The following SPOCK2 variants were observed in gnomAD, a reference collection of about 807,000 sequenced individuals.
SPOCK2 encodes the protein testican-2.
SPOCK2 carries 39 observed loss-of-function variants against 60.1 expected under a neutral mutation model. That is an observed-to-expected ratio of 0.65 (90% confidence interval 0.50 to 0.85). The LOEUF is 0.85. SPOCK2 is among the 40% of genes least tolerant of loss of function. SPOCK2 has a pLI of 0.00. For missense variants in SPOCK2, 523 were observed against 567.4 expected (o/e 0.92, Z 0.80); for synonymous variants, 217 against 231.5 (o/e 0.94, Z 0.57).
rs1840469723 is a variant in SPOCK2, at chr10:72,059,917, AAGGGGAGTTCC to A, written c.*2832_*2842del. 6.5e-6 allele frequency: 1 copy of A among 152,756 alleles called. No individual in the cohort carries two copies. 9.5% of individuals were successfully genotyped at this position (152,756 alleles called of 1,614,324 possible). On this transcript the variant is annotated 3_prime_UTR_variant, in exon 11 of 11. Transcript: ENST00000373109. ...TGGGCCAAGGAGGCCTGGGGCAGCCAAGGGGAGTTCCAGGACCAAGCAAGCAAGAAACCGTT... is the reference window on the plus strand; with the variant it reads ...TGGGCCAAGGAGGCCTGGGGCAGCCAAGGACCAAGCAAGCAAGAAACCGTT...
chr10:72,067,570 C>A, intron 7 of SPOCK2, 43 bp downstream of exon 7: 1 of 1,608,170 alleles, frequency 6.2e-7, no homozygotes, highest in Non-Finnish European at 8.5e-7. Context: ...CAGCCCCTTC[C>A]CTATTTCCCT....
At position 72,072,898 on chromosome 10, in the gene SPOCK2, T is replaced by G; in HGVS notation, c.198+4A>C. ...CACAGAGTGGGGTCCTGGGCAGTACTCACCTCCACTTCCTGGAGATCAGGG... is the reference window on the plus strand; with the variant it reads ...CACAGAGTGGGGTCCTGGGCAGTACGCACCTCCACTTCCTGGAGATCAGGG... On this transcript the variant is annotated splice_donor_region_variant and intron_variant, in intron 2 of 10. Coordinates refer to ENST00000373109, the MANE Select transcript of SPOCK2 (RefSeq NM_001244950.2). 1 of 1,554,640 alleles carries G rather than the reference T, an allele frequency of 6.4e-7. No individual in the cohort carries two copies. The highest frequency in any genetic ancestry group is 8.7e-7 in the Non-Finnish European group (1 of 1,148,678).
intron 5 of SPOCK2, 161 bp downstream of exon 5, chr10:72,070,151 T>A: frequency 1.6e-6 from 1 of 621,136 alleles, no homozygotes; most frequent in South Asian, 2.0e-5. Flanking sequence ...GGGCTGCAGG[T>A]GGCCCCAGTA....
intron 1 of SPOCK2, among the ~76,000 whole-genome samples, chr10:72,078,372 G>A (rs1360870641): frequency 1.3e-5 from 2 of 151,912 alleles, no homozygotes; most frequent in African/African-American, 4.8e-5. Context: ...ATAGCCGTGT[G>A]TGATGGCGGG....
intron 1 of SPOCK2, among the ~76,000 whole-genome samples, chr10:72,073,296 C>T (rs956591257): frequency 2.0e-5 from 3 of 152,202 alleles, no homozygotes; most frequent in South Asian, 2.1e-4. Flanking sequence ...GCCTGAGAAA[C>T]GGTGCACTGT....
chr10:72,074,463 G>C (rs1840689155), intron 1 of SPOCK2, among the ~76,000 whole-genome samples: 1 of 152,244 alleles, frequency 6.6e-6, no homozygotes, highest in Non-Finnish European at 1.5e-5. Context: ...TGTGTGTGCA[G>C]GCATGTTTGT....
intron 1 of SPOCK2, among the ~76,000 whole-genome samples, chr10:72,075,864 G>A (rs910451675): frequency 3.3e-5 from 5 of 152,150 alleles, no homozygotes; most frequent in African/African-American, 1.2e-4. Flanking sequence ...AGGGCCCTGG[G>A]GTCCTGCAGA....
chr10:72,081,750 C>T (rs933333687), intron 1 of SPOCK2, among the ~76,000 whole-genome samples: 1 of 152,216 alleles, frequency 6.6e-6, no homozygotes, highest in Non-Finnish European at 1.5e-5. Flanking sequence ...GGGCTTGTTG[C>T]TGTGTTTGTC....
Position 72,061,153 on chromosome 10 carries a change from A to G in SPOCK2, c.*1607T>C, listed in dbSNP as rs737080. 0.13 allele frequency: 19,846 copies of G among 152,716 alleles called. 3,623 individuals are homozygous for G. The highest frequency in any genetic ancestry group is 0.4 in the African/African-American group (16,670 of 41,492). The allele number at this position is 152,716 out of a possible 1,614,324, so 9.5% of individuals were successfully genotyped here. A position where few individuals can be genotyped will look rare whatever the true frequency, so the allele number is the denominator to read the frequency against. ...AGGTGTTAAGGAATTTGCTTTGCTG[A>G]GGAGAACTGGATGGGTGGGGGAAAA... On this transcript the variant is annotated 3_prime_UTR_variant, in exon 11 of 11. Coordinates refer to ENST00000373109, the MANE Select transcript of SPOCK2 (RefSeq NM_001244950.2).
intron 1 of SPOCK2, 115 bp downstream of exon 1, chr10:72,088,025 G>C: frequency 7.6e-7 from 1 of 1,315,066 alleles, no homozygotes; most frequent in Non-Finnish European, 1.1e-6. Context: ...GTAATTAGCC[G>C]GCCAGGCTGC....
At chr10:72,068,511 C>A (rs1411901895) in intron 5 of SPOCK2, among the ~76,000 whole-genome samples, 1 of 152,136 alleles carries the variant, frequency 6.6e-6, no homozygotes, top group African/African-American at 2.4e-5. Context: ...CAGAGCTGGT[C>A]CTAGCCATGC....
At chr10:72,070,065 C>T (rs957272939) in intron 5 of SPOCK2, 15 of 445,632 alleles carry the variant, frequency 3.4e-5, no homozygotes, top group Non-Finnish European at 5.7e-5. Flanking sequence ...CTCTTCCAGG[C>T]CCCACTCCCC....
Position 72,088,160 on chromosome 10 carries a change from G to A in SPOCK2, c.169C>T (p.His57Tyr). 4 of 1,613,002 alleles carry A rather than the reference G, an allele frequency of 2.5e-6. No individual in the cohort carries two copies. The highest frequency in any genetic ancestry group is 1.1e-5 in the South Asian group (1 of 91,066). Residue 57 changes from histidine to tyrosine, a missense_variant, in exon 1 of 11, where the codon CAC becomes TAC. Coordinates refer to ENST00000373109, the MANE Select transcript of SPOCK2 (RefSeq NM_001244950.2). ...CTCACGTCTCGGAAGCGGTTCCAGT[G>A]CTTGATCTTGCCGCTGTACTGCGAG... ...SISQYSGKIK[H>Y]WNRFRDEVED...
Position 72,070,138 on chromosome 10 carries a change from C to A in SPOCK2, c.474+174G>T. 5.0e-6 allele frequency: 3 copies of A among 595,778 alleles called. No individual in the cohort carries two copies. The South Asian group carries it at 6.2e-5, about 12-fold the overall frequency. The allele number at this position is 595,778 out of a possible 1,614,324, so 36.9% of individuals were successfully genotyped here. ...GGCTCCAACTCTCAGGTAGTTCCAG[C>A]CAGGGCTGCAGGTGGCCCCAGTATG... On this transcript the variant is annotated intron_variant, in intron 5 of 10. Transcript: ENST00000373109.
At position 72,087,857 on chromosome 10, in the gene SPOCK2, C is replaced by T. The variant is rs1054629840; in HGVS notation, c.189+283G>A. ...CCGGCCCCGCACCCCTTCCCACTCC[C>T]GGCCCGCAGGGGAGACCCCGGAGCG... On this transcript the variant is annotated intron_variant, in intron 1 of 10. Transcript: ENST00000373109. This position sits in a 1 kb window ranked among gnomAD's most constrained non-coding sequence, Gnocchi z 4.7. 6.6e-6 allele frequency among the ~76,000 whole-genome samples: 1 copy of T among 152,110 alleles called. No homozygotes were observed. Among genetic ancestry groups the T allele is most frequent in the African/African-American group, 2.4e-5 (1 of 41,450 alleles).
intron 3 of SPOCK2, 120 bp from the exon 4 acceptor site, chr10:72,072,378 C>T: frequency 6.6e-7 from 1 of 1,504,342 alleles, no homozygotes; most frequent in Admixed American, 2.0e-5. Flanking sequence ...CTCCTGAGCT[C>T]AGGAGTCCCA....
chr10:72,076,116 C>A (rs1185144690), intron 1 of SPOCK2, among the ~76,000 whole-genome samples: 1 of 152,052 alleles, frequency 6.6e-6, no homozygotes, highest in Non-Finnish European at 1.5e-5. Context: ...GAGGGAGAGG[C>A]CACCATGGGG....
In SPOCK2 at chr10:72,067,611, ACCG is replaced by A; in HGVS notation, c.708_709+1del. On this transcript the variant is annotated splice_donor_variant and coding_sequence_variant, in exon 7 of 11. Transcript: ENST00000373109. LOFTEE classifies it high-confidence loss of function. ...CTCCAGGCAGAGCAGCAAGCTTCCT[ACCG>A]CTGGCCGGGCCGGCTACACTGCTGG... is the stretch of plus-strand genomic sequence containing the variant. The A allele has an allele frequency of 6.2e-7, 1 of 1,612,158 alleles. No homozygotes were observed.
Position 72,079,076 on chromosome 10 carries a change from G to A in SPOCK2, c.190-6166C>T, listed in dbSNP as rs577625475. ...TGTTTCCTCTTCACAACAGCTCTAA[G>A]AAACATTACTATTATTATCTCCATG... On this transcript the variant is annotated intron_variant, in intron 1 of 10. Transcript: ENST00000373109. 2.6e-5 allele frequency among the ~76,000 whole-genome samples: 4 copies of A among 152,278 alleles called. 1 individual carries two copies. The South Asian group carries it at 8.3e-4, about 32-fold the overall frequency.
Sources: allele counts gnomAD v4.1 joint callset (sites outside exome capture counted in the v4.1 genomes callset), GRCh38; gene constraint gnomAD v4.1.1; non-coding constraint Gnocchi (gnomAD v3.1); transcripts MANE v1.5; gene names NCBI Gene and HGNC (gene_info 2026-07-23, HGNC 2026-07-21).